Variants in MEGF11 observed in about 807,000 individuals in gnomAD.
The protein encoded by MEGF11 is multiple epidermal growth factor-like domains protein 11.
Under a neutral mutation model 146.6 loss-of-function variants are expected in MEGF11, and 126 were observed. The ratio of observed to expected loss-of-function variants is 0.86; its 90% CI spans 0.74 to 1.00. The LOEUF (loss-of-function observed/expected upper bound fraction) is 1.00. Among genes scored for constraint, MEGF11 ranks in the 50% least tolerant of loss-of-function variants. MEGF11 has a pLI of 0.00. For synonymous variants in MEGF11, 532 were observed against 583.4 expected (o/e 0.91, Z 1.27); for missense variants, 1,509 against 1,521.2 (o/e 0.99, Z 0.13).
intron 1 of MEGF11, among the ~76,000 whole-genome samples, chr15:66,167,265 G>A (rs1311400863): frequency 6.6e-6 from 1 of 152,212 alleles, no homozygotes; most frequent in African/African-American, 2.4e-5. Context: ...AACCCAGAGG[G>A]AGACTCCATC....
At chr15:66,136,686 C>T (rs1045725208) in intron 1 of MEGF11, among the ~76,000 whole-genome samples, 4 of 152,140 alleles carry the variant, frequency 2.6e-5, no homozygotes, top group African/African-American at 7.2e-5. Flanking sequence ...AAAAACTGGC[C>T]GGGTCCAAAG....
Position 65,916,201 on chromosome 15 carries a change from A to G in MEGF11, c.2291T>C (p.Ile764Thr). Residue 764 changes from isoleucine (I) to threonine (T), a missense_variant, in exon 18 of 26, where the codon ATC (isoleucine) becomes ACC (threonine). Transcript: ENST00000395614. ...QCQNGASCDH[I>T]SGKCTCRTGF... is the part of the protein sequence containing the mutation. ...TGTGCGGCAGGTGCACTTGCCACTG[A>G]TGTGGTCACAGCTGGCGCCATTCTG... 1 of 1,579,776 alleles carries G rather than the reference A, an allele frequency of 6.3e-7. No homozygotes were observed. The highest frequency in any genetic ancestry group is 1.3e-5 in the African/African-American group (1 of 74,370).
rs542488898 is a variant in MEGF11, at chr15:66,040,621, G to A, written c.394+53781C>T. Among the ~76,000 whole-genome samples the A allele has an allele frequency of 2.0e-5, 3 of 152,304 alleles. No individual in the cohort carries two copies. In the East Asian group the frequency reaches 5.8e-4, roughly 29 times the overall value. The stretch of plus-strand genomic sequence containing the variant: ...TTCATGCCAAGGGCTGATTATGTGG[G>A]CACAGAGGTGGCAGTGCTAAATGGG... On this transcript the variant is annotated intron_variant, in intron 5 of 25. Transcript: ENST00000395614.
chr15:65,959,597 C>T (rs1039041030), intron 9 of MEGF11, among the ~76,000 whole-genome samples: 1 of 152,096 alleles, frequency 6.6e-6, no homozygotes, highest in Non-Finnish European at 1.5e-5. Context: ...CTCATAATTC[C>T]ATTTCTAAGA....
At chr15:65,974,024 C>T (rs947251648) in intron 7 of MEGF11, among the ~76,000 whole-genome samples, 3 of 152,202 alleles carry the variant, frequency 2.0e-5, no homozygotes, top group African/African-American at 4.8e-5. Context: ...TCCAGCCCTG[C>T]GCATACCCGA....
intron 1 of MEGF11, among the ~76,000 whole-genome samples, chr15:66,212,769 C>A (rs1015462430): frequency 4.0e-5 from 5 of 125,176 alleles, no homozygotes; most frequent in Non-Finnish European, 8.3e-5. Context: ...AGAGTCCCCA[C>A]TGCCAGGGAC....
At chr15:65,939,492 CTT>C (rs869271515) in intron 10 of MEGF11, among the ~76,000 whole-genome samples, 5,857 of 134,834 alleles carry the variant, frequency 0.043, 146 homozygotes, top group Non-Finnish European at 0.063. Flanking sequence ...CAGCTCCCAA[CTT>C]TTTTTTTTTT....
rs1456516170 is a variant in MEGF11, at chr15:66,033,992, ATTTTGG to A, written c.395-51510_395-51505del. Among the ~76,000 whole-genome samples the A allele has an allele frequency of 5.2e-3, 787 of 152,046 alleles. 5 individuals are homozygous for A. Among genetic ancestry groups the A allele is most frequent in the African/African-American group, 0.018 (748 of 41,474 alleles). ...TTTTTAGTAGAGACAGGGTTTTACC[ATTTTGG>A]CCAGGCTGGTCTTGAACTCCTGACC... On this transcript the variant is annotated intron_variant, in intron 5 of 25. Transcript: ENST00000395614.
At chr15:66,162,594 A>G (rs2089982006) in intron 1 of MEGF11, among the ~76,000 whole-genome samples, 1 of 152,104 alleles carries the variant, frequency 6.6e-6, no homozygotes, top group South Asian at 2.1e-4. Flanking sequence ...TGGTGATAGA[A>G]AAACAAAACA....
intron 4 of MEGF11, among the ~76,000 whole-genome samples, chr15:66,105,728 T>G (rs1454617453): frequency 6.6e-6 from 1 of 152,274 alleles, no homozygotes. Flanking sequence ...CTGCAGCTTA[T>G]GCATTTACCT....
At chr15:65,904,678 G>A (rs1226349587) in intron 24 of MEGF11, among the ~76,000 whole-genome samples, 1 of 152,164 alleles carries the variant, frequency 6.6e-6, no homozygotes, top group Non-Finnish European at 1.5e-5. Context: ...GGACATCTGG[G>A]TCAGTCTAGA....
intron 1 of MEGF11, among the ~76,000 whole-genome samples, chr15:66,142,284 G>A (rs568208700): frequency 2.6e-5 from 4 of 152,330 alleles, no homozygotes; most frequent in African/African-American, 9.6e-5. Context: ...GGGACAGCAA[G>A]TTGTGGAATT....
chr15:66,239,721 G>A (rs1482757442), intron 1 of MEGF11, among the ~76,000 whole-genome samples: 1 of 152,198 alleles, frequency 6.6e-6, no homozygotes, highest in Non-Finnish European at 1.5e-5. Context: ...CCACCCACCG[G>A]TCATGTGGAG....
chr15:65,941,273 G>A (rs1429256080), intron 10 of MEGF11, among the ~76,000 whole-genome samples: 1 of 152,086 alleles, frequency 6.6e-6, no homozygotes, highest in African/African-American at 2.4e-5. Flanking sequence ...AAAATTAGTT[G>A]GGCGTCGTGG....
chr15:65,960,804 C>T (rs971668706), intron 9 of MEGF11, among the ~76,000 whole-genome samples: 9 of 152,214 alleles, frequency 5.9e-5, no homozygotes, highest in African/African-American at 1.9e-4. Flanking sequence ...CCACACACAA[C>T]GAGCTAGCAA....
rs28554175 is a variant in MEGF11 at position 65,953,402 on chromosome 15, T to C, written c.1287+4145A>G. Among the ~76,000 whole-genome samples the C allele has an allele frequency of 9.2e-3, 1,404 of 152,262 alleles. 22 individuals carry two copies. The highest frequency in any genetic ancestry group is 0.03 in the African/African-American group (1,258 of 41,546). ...TTCAATCAAAGCTCATCAACTAATA[T>C]GAGAGTTCAGTGTCTCCCACCACCG... On this transcript the variant is annotated intron_variant, in intron 10 of 25. Transcript: ENST00000395614.
At chr15:66,087,672 T>C (rs2086165033) in intron 5 of MEGF11, among the ~76,000 whole-genome samples, 1 of 152,198 alleles carries the variant, frequency 6.6e-6, no homozygotes, top group Non-Finnish European at 1.5e-5. Flanking sequence ...GCAAAGGCAG[T>C]GCTAAGAGGA....
chr15:66,153,588 AAAG>A (rs2089647540), intron 1 of MEGF11, among the ~76,000 whole-genome samples: 2 of 151,872 alleles, frequency 1.3e-5, no homozygotes, highest in African/African-American at 4.8e-5. Flanking sequence ...AGAAAAAGAA[AAAG>A]AAAGAAAAGA....
Position 65,909,079 on chromosome 15 carries a change from T to C in MEGF11, c.2953A>G (p.Ile985Val), listed in dbSNP as rs1415557452. Residue 985 changes from isoleucine (I) to valine (V), a missense_variant, in exon 23 of 26, where the codon ATT becomes GTT. Transcript: ENST00000395614. Reference protein sequence around the residue: ...EARYPPEDFYIELRHLSRPAE... With the variant: ...EARYPPEDFYVELRHLSRPAE... The stretch of plus-strand genomic sequence containing the variant: ...GGGCGGCTGAGGTGTCTAAGTTCAA[T>C]GTAGAAGTCCTCGGGCGGGTACCTG... The C allele has an allele frequency of 5.2e-6, 8 of 1,535,308 alleles. No individual in the cohort carries two copies. The Admixed American group carries it at 5.9e-5, about 11-fold the overall frequency.
Sources: gnomAD v4.1 joint callset for allele counts (sites outside exome capture counted in the v4.1 genomes callset) on GRCh38, gnomAD v4.1.1 for gene constraint, MANE v1.5 for transcripts, NCBI Gene and HGNC (gene_info 2026-07-23, HGNC 2026-07-21) for gene names.